DNAH7: variants seen among roughly 807,000 people sequenced by gnomAD.
The protein encoded by DNAH7 is axonemal beta dynein heavy chain 7.
A neutral mutation model predicts 444.6 loss-of-function variants in DNAH7; 397 were observed. The ratio of observed to expected loss-of-function variants is 0.89; its 90% confidence interval spans 0.82 to 0.97. DNAH7 has a LOEUF of 0.97. DNAH7 is among the 50% of genes least tolerant of loss of function. The probability of loss-of-function intolerance (pLI) is 0.00; values close to 1 mark genes in which losing one functional copy is unlikely to be tolerated. For missense variants in DNAH7, 4,902 were observed against 4,800.8 expected, an observed-to-expected ratio of 1.02 and a Z score of -0.62; for synonymous variants, 1,636 against 1,624.4, an observed-to-expected ratio of 1.01 and a Z score of -0.17.
At chr2:196,034,481 T>C (rs896543537) in intron 5 of DNAH7, among the ~76,000 whole-genome samples, 3 of 152,196 alleles carry the variant, frequency 2.0e-5, no homozygotes, top group Non-Finnish European at 4.4e-5. Flanking sequence ...CTCAACGCAA[T>C]GCTTTCCAAG....
intron 24 of DNAH7, 31 bp from the exon 25 acceptor site, chr2:195,910,226 GAAT>G (rs760867635): frequency 6.1e-5 from 91 of 1,481,812 alleles, no homozygotes; most frequent in Non-Finnish European, 8.0e-5. Flanking sequence ...ATTCTTTGTA[GAAT>G]AATGTGATTT....
At chr2:195,946,075 A>G (rs1257804627) in intron 19 of DNAH7, among the ~76,000 whole-genome samples, 1 of 152,146 alleles carries the variant, frequency 6.6e-6, no homozygotes, top group African/African-American at 2.4e-5. Flanking sequence ...CTCCAATGCT[A>G]CTAGAACAGG....
In DNAH7 at chr2:195,954,415, C is replaced by T. The variant is rs561296890; in HGVS notation, c.3078+2846G>A. 3.3e-4 allele frequency among the ~76,000 whole-genome samples: 50 copies of T among 152,262 alleles called. 1 individual carries two copies. The highest frequency in any genetic ancestry group is 6.8e-3 in the Middle Eastern group (2 of 294). The stretch of plus-strand genomic sequence containing the variant: ...GTGTATATGTGCCACATTTTCTTTA[C>T]CCAGTCTATCACTGATGGACACTTG... On this transcript the variant is annotated intron_variant, in intron 19 of 64. Coordinates refer to ENST00000312428, the MANE Select transcript of DNAH7 (RefSeq NM_018897.3).
In DNAH7 at chr2:195,787,146, C is replaced by A; in HGVS notation, c.10742G>T (p.Gly3581Val). ...KPEEFKKLLY[G>V]LCFFHALVQE... ...TACCAAAGCATGAAAGAAACACAGGCCATAAAGCAATTTCTTGAATTCCTC... is the reference window on the plus strand; with the variant it reads ...TACCAAAGCATGAAAGAAACACAGGACATAAAGCAATTTCTTGAATTCCTC... Residue 3581 changes from glycine to valine, a missense_variant, in exon 58 of 65, where the codon GGC becomes GTC. By Grantham distance (109) the Gly-to-Val change is moderately radical. Transcript: ENST00000312428. The A allele has an allele frequency of 6.2e-7, 1 of 1,600,564 alleles. No individual in the cohort carries two copies. The highest frequency in any genetic ancestry group is 8.5e-7 in the Non-Finnish European group (1 of 1,176,560).
chr2:195,832,444 C>CT (rs56382676), intron 48 of DNAH7, among the ~76,000 whole-genome samples: 2,068 of 144,366 alleles, frequency 0.014, 36 homozygotes, highest in African/African-American at 0.035. Flanking sequence ...TTCTTTCTTT[C>CT]TTTTTTTTTT....
At chr2:195,793,127 G>A (rs973814068) in intron 57 of DNAH7, among the ~76,000 whole-genome samples, 1 of 151,686 alleles carries the variant, frequency 6.6e-6, no homozygotes, top group Non-Finnish European at 1.5e-5. Flanking sequence ...ATAGAGGTAG[G>A]GGTCTCACTA....
At chr2:195,915,614 T>C (rs1409753671) in intron 24 of DNAH7, among the ~76,000 whole-genome samples, 1 of 152,218 alleles carries the variant, frequency 6.6e-6, no homozygotes, top group East Asian at 1.9e-4. Flanking sequence ...AGGAAACTTA[T>C]ATCAAAACTT....
At chr2:195,745,140 C>T (rs984181812) in intron 63 of DNAH7, among the ~76,000 whole-genome samples, 7 of 152,026 alleles carry the variant, frequency 4.6e-5, no homozygotes, top group African/African-American at 1.7e-4. Context: ...CTAGAATAAC[C>T]AATAGAGAGA....
At chr2:195,807,939 C>T (rs1218909185) in intron 53 of DNAH7, among the ~76,000 whole-genome samples, 1 of 152,092 alleles carries the variant, frequency 6.6e-6, no homozygotes, top group South Asian at 2.1e-4. Flanking sequence ...ACATATAATA[C>T]AACAATATAG....
intron 27 of DNAH7, chr2:195,904,190 G>C (rs932222086): frequency 6.6e-6 from 1 of 152,180 alleles, no homozygotes; most frequent in African/African-American, 2.4e-5. Flanking sequence ...TAATGGGAGA[G>C]TCTCTGAAGA....
At chr2:195,915,575 C>G (rs1224389820) in intron 24 of DNAH7, among the ~76,000 whole-genome samples, 1 of 152,126 alleles carries the variant, frequency 6.6e-6, no homozygotes, top group African/African-American at 2.4e-5. Flanking sequence ...TCTATCTTTC[C>G]TCTTTTATTG....
At chr2:195,936,533 C>T in intron 20 of DNAH7, 66 bp downstream of exon 20, 1 of 1,118,584 alleles carries the variant, frequency 8.9e-7, no homozygotes, top group South Asian at 1.7e-5. Context: ...TTATGTTCTA[C>T]TTTGTTCTAA....
Position 195,817,710 on chromosome 2 carries a change from T to C in DNAH7, c.9411A>G (p.Gly3137=), listed in dbSNP as rs1430064094. 2 of 1,607,654 alleles carry C rather than the reference T, an allele frequency of 1.2e-6. No individual in the cohort carries two copies. The highest frequency in any genetic ancestry group is 2.2e-5 in the South Asian group (2 of 89,316). The change falls in exon 50 of 65, where the codon GGA becomes GGG. Residue 3137 remains glycine (G), a synonymous_variant. Transcript: ENST00000312428. ...ACATTTAAAACCTTTTATTTTCAGC[T>C]CCTTGTAATATCAAGGCTTGCTTTT... ...EEEKQALILQ[G]AENKRQLKEI... is the part of the protein sequence containing the mutation.
intron 1 of DNAH7, among the ~76,000 whole-genome samples, chr2:196,064,923 G>T (rs1001731458): frequency 6.6e-6 from 1 of 152,050 alleles, no homozygotes; most frequent in African/African-American, 2.4e-5. Context: ...AACACACACA[G>T]TTCTTAGGCA....
intron 45 of DNAH7, among the ~76,000 whole-genome samples, chr2:195,853,869 G>C (rs1314216539): frequency 6.6e-6 from 1 of 152,088 alleles, no homozygotes; most frequent in Admixed American, 6.5e-5. Flanking sequence ...AAATAATCTA[G>C]ATGCATTTTG....
At chr2:195,778,663 T>TACACACACACACACACAC (rs1695211580) in intron 58 of DNAH7, among the ~76,000 whole-genome samples, 1 of 98,596 alleles carries the variant, frequency 1.0e-5, no homozygotes, top group African/African-American at 4.3e-5. Context: ...TATATATATA[T>TACACACACACACACACAC]ATATATACAC....
chr2:195,760,159 A>G (rs1304051728), intron 61 of DNAH7, among the ~76,000 whole-genome samples: 1 of 151,810 alleles, frequency 6.6e-6, no homozygotes, highest in Non-Finnish European at 1.5e-5. Flanking sequence ...AGCTACAGGG[A>G]GAGGCTCCTC....
chr2:195,872,730 T>G (rs1700792975), intron 39 of DNAH7, among the ~76,000 whole-genome samples: 1 of 152,050 alleles, frequency 6.6e-6, no homozygotes, highest in South Asian at 2.1e-4. Context: ...TTAAAATCAC[T>G]TAAGTAAGTG....
At chr2:196,039,930 A>G (rs1696639666) in intron 5 of DNAH7, among the ~76,000 whole-genome samples, 1 of 152,140 alleles carries the variant, frequency 6.6e-6, no homozygotes, top group African/African-American at 2.4e-5. Context: ...TAAATTCAAA[A>G]ACCCAGAAAA....
Sources: allele counts gnomAD v4.1 joint callset (sites outside exome capture counted in the v4.1 genomes callset), GRCh38; gene constraint gnomAD v4.1.1; transcripts MANE v1.5; gene names NCBI Gene and HGNC (gene_info 2026-07-23, HGNC 2026-07-21).